NTNG2: variants seen among roughly 807,000 people sequenced by gnomAD.
The protein encoded by NTNG2 is netrin-G2.
NTNG2 carries 15 observed loss-of-function variants against 47.6 expected under a neutral mutation model. The ratio of observed to expected loss-of-function variants is 0.32; its 90% CI spans 0.21 to 0.49. The LOEUF is 0.49. Ranked by LOEUF, NTNG2 falls within the 20% of genes least tolerant of loss-of-function variation. The pLI is 0.99. For missense variants in NTNG2, 578 were observed against 764.6 expected, an observed-to-expected ratio of 0.76 and a Z score of 2.88; for synonymous variants, 307 against 324.6, an observed-to-expected ratio of 0.95 and a Z score of 0.58.
Position 132,236,933 on chromosome 9 carries a change from G to A in NTNG2, c.1055-2171G>A, listed in dbSNP as rs1307955728. ...AGGAAGAGTGTTTCAGAAAGGAAGG[G>A]AGATGCCAAAGTCCTTAAATGCCAA... On this transcript the variant is annotated intron_variant, in intron 5 of 7. Transcript: ENST00000393229. This position sits in a 1 kb window ranked among gnomAD's most constrained non-coding sequence, Gnocchi z 4.3. 6.6e-6 allele frequency among the ~76,000 whole-genome samples: 1 copy of A among 152,206 alleles called. No homozygotes were observed. Among genetic ancestry groups the A allele is most frequent in the African/African-American group, 2.4e-5 (1 of 41,434 alleles).
chr9:132,166,838 C>T lies in NTNG2; in HGVS notation c.7C>T (p.His3Tyr). The change falls in exon 2 of 8, where the codon CAT becomes TAT. Residue 3 changes from histidine to tyrosine, a missense_variant. Transcript: ENST00000393229. Reference protein sequence around the residue: MLHLLALFLHCLP... With the variant: MLYLLALFLHCLP... The stretch of plus-strand genomic sequence containing the variant: ...CTCTGCAGACTGCGCAGCCATGCTG[C>T]ATCTGCTGGCGCTCTTCCTGCACTG... The T allele has an allele frequency of 6.2e-7, 1 of 1,614,022 alleles. No homozygotes were observed. The highest frequency in any genetic ancestry group is 8.5e-7 in the Non-Finnish European group (1 of 1,180,012).
rs1375015834 is a variant in NTNG2 at position 132,163,539 on chromosome 9, G to C, written c.-484+1300G>C. On this transcript the variant is annotated intron_variant, in intron 1 of 7. Coordinates refer to ENST00000393229, the MANE Select transcript of NTNG2 (RefSeq NM_032536.4). This position sits in a 1 kb window ranked among gnomAD's most constrained non-coding sequence, Gnocchi z 7.2. The stretch of plus-strand genomic sequence containing the variant: ...GCCGGCCAAGCTCCCTTTCCCTCCC[G>C]GCAACCGCCACTCTCCCCTGAAAGC... Among the ~76,000 whole-genome samples the C allele has an allele frequency of 6.6e-6, 1 of 152,108 alleles. No homozygotes were observed. Among genetic ancestry groups the C allele is most frequent in the Non-Finnish European group, 1.5e-5 (1 of 67,988 alleles).
In NTNG2 at chr9:132,243,216, G is replaced by A. The variant is rs1842083870; in HGVS notation, c.*1105G>A. 6.6e-6 allele frequency: 1 copy of A among 150,684 alleles called. No individual in the cohort carries two copies. Among genetic ancestry groups the A allele is most frequent in the Non-Finnish European group, 1.5e-5 (1 of 67,352 alleles). 9.3% of individuals were successfully genotyped at this position (150,684 alleles called of 1,614,324 possible). A position where few individuals can be genotyped will look rare whatever the true frequency, so the allele number is the denominator to read the frequency against. On this transcript the variant is annotated 3_prime_UTR_variant, in exon 8 of 8. Coordinates refer to ENST00000393229, the MANE Select transcript of NTNG2 (RefSeq NM_032536.4). ...TGTGTCTCGGTGGCCACCTCCGATG[G>A]ATGTGTCATCTCAGACCTGTTGCAG...
At chr9:132,211,421 C>G (rs915468879) in intron 3 of NTNG2, among the ~76,000 whole-genome samples, 1 of 152,136 alleles carries the variant, frequency 6.6e-6, no homozygotes. Flanking sequence ...AACACAAACC[C>G]AGTCACTTCT....
At chr9:132,228,248 G>A (rs970627787) in intron 4 of NTNG2, among the ~76,000 whole-genome samples, 1 of 152,250 alleles carries the variant, frequency 6.6e-6, no homozygotes, top group African/African-American at 2.4e-5. Context: ...GGCCATGACA[G>A]GCATGTCACG....
chr9:132,239,204 C>T lies in NTNG2; in HGVS notation c.1155C>T (p.Cys385=), dbSNP rs1447709236. 1 of 1,613,828 alleles carries T rather than the reference C, an allele frequency of 6.2e-7. No homozygotes were observed. The part of the protein sequence containing the change: ...SCKHNTRGQH[C]QHCRLGYYRN... ...AGCACAACACGCGAGGTCAGCACTG[C>T]CAGCACTGCCGGCTGGGCTACTACC... The change falls in exon 6 of 8, where the codon TGC becomes TGT. Residue 385 remains cysteine, a synonymous_variant. Coordinates refer to ENST00000393229, the MANE Select transcript of NTNG2 (RefSeq NM_032536.4).
intron 2 of NTNG2, among the ~76,000 whole-genome samples, chr9:132,192,293 C>G (rs1717378004): frequency 6.6e-6 from 1 of 152,162 alleles, no homozygotes. Context: ...AGAATTCCCC[C>G]AGTGAAGAAT....
In NTNG2 at chr9:132,197,928, C is replaced by G. The variant is rs11243664; in HGVS notation, c.214-38C>G. On this transcript the variant is annotated intron_variant, in intron 2 of 7. Coordinates refer to ENST00000393229, the MANE Select transcript of NTNG2 (RefSeq NM_032536.4). The surrounding 1 kb of genome is among the most constrained non-coding windows in gnomAD (Gnocchi z 4.3). The stretch of plus-strand genomic sequence containing the variant: ...AGGCTTCCCAGGCCATCCCGAGCAT[C>G]CAGCACCCACCCTTCCCTTCTCCTC... 0.42 allele frequency: 662,046 copies of G among 1,572,290 alleles called. 140,849 individuals carry two copies. The highest frequency in any genetic ancestry group is 0.53 in the Middle Eastern group (2,301 of 4,328).
rs889481902 is a variant in NTNG2 at position 132,215,063 on chromosome 9, T to C, written c.858-11786T>C. On this transcript the variant is annotated intron_variant, in intron 3 of 7. Coordinates refer to ENST00000393229, the MANE Select transcript of NTNG2 (RefSeq NM_032536.4). The surrounding 1 kb of genome is among the most constrained non-coding windows in gnomAD (Gnocchi z 4.2). The stretch of plus-strand genomic sequence containing the variant: ...TGATAAATTTTGTGTTTTTTTTAAT[T>C]TTTTTGTAGAGATTGGGGGGGGGGG... 5.8e-5 allele frequency among the ~76,000 whole-genome samples: 6 copies of C among 103,436 alleles called. No individual in the cohort carries two copies. Among genetic ancestry groups the C allele is most frequent in the African/African-American group, 8.8e-5 (2 of 22,618 alleles). The allele number at this position is 103,436 out of a possible 152,430, so 67.9% of individuals were successfully genotyped here.
At position 132,206,747 on chromosome 9, in the gene NTNG2, C is replaced by T. The variant is rs960854749; in HGVS notation, c.857+8138C>T. Among the ~76,000 whole-genome samples the T allele has an allele frequency of 4.6e-5, 7 of 152,278 alleles. No individual in the cohort carries two copies. The East Asian group carries it at 5.8e-4, about 13-fold the overall frequency. On this transcript the variant is annotated intron_variant, in intron 3 of 7. Transcript: ENST00000393229. ...TTGGGGACAGACATTTTGTTAAGTACAGTTCACACACCTTCAACTGCATCT... is the reference window on the plus strand; with the variant it reads ...TTGGGGACAGACATTTTGTTAAGTATAGTTCACACACCTTCAACTGCATCT...
chr9:132,233,864 T>C (rs1381601935), intron 5 of NTNG2: 1 of 152,060 alleles, frequency 6.6e-6, no homozygotes, highest in Non-Finnish European at 1.5e-5. Flanking sequence ...TTATGATATG[T>C]AAATTACACC....
In NTNG2 at chr9:132,226,749, AC is replaced by A. The variant is rs1288340133; in HGVS notation, c.858-97del. ...AGGGTTTCTTCCTGGGCAGCCCAAC[AC>A]CCTCCTGGGCCCCTCCTGGGAGGCG... is the stretch of plus-strand genomic sequence containing the variant. On this transcript the variant is annotated intron_variant, in intron 3 of 7. Transcript: ENST00000393229. The surrounding 1 kb of genome is among the most constrained non-coding windows in gnomAD (Gnocchi z 4.8). The A allele has an allele frequency of 1.3e-5, 14 of 1,102,208 alleles. No homozygotes were observed. The highest frequency in any genetic ancestry group is 1.7e-5 in the Non-Finnish European group (14 of 800,328). The allele number at this position is 1,102,208 out of a possible 1,614,324, so 68.3% of individuals were successfully genotyped here. A position where few individuals can be genotyped will look rare whatever the true frequency, so the allele number is the denominator to read the frequency against.
intron 4 of NTNG2, among the ~76,000 whole-genome samples, chr9:132,228,025 C>G (rs1026170467): frequency 6.6e-6 from 1 of 152,218 alleles, no homozygotes; most frequent in Non-Finnish European, 1.5e-5. Flanking sequence ...GGTCCCTTCT[C>G]CAGATGAGCA....
intron 3 of NTNG2, among the ~76,000 whole-genome samples, chr9:132,199,577 A>G (rs1838583485): frequency 6.6e-6 from 1 of 152,088 alleles, no homozygotes; most frequent in Non-Finnish European, 1.5e-5. Context: ...TTACTGGGAG[A>G]TGATGGTATA....
At chr9:132,170,821 G>T (rs543039467) in intron 2 of NTNG2, among the ~76,000 whole-genome samples, 6 of 152,274 alleles carry the variant, frequency 3.9e-5, no homozygotes, top group African/African-American at 1.4e-4. Flanking sequence ...CCTTGATAGA[G>T]GTGCAGAATC....
intron 3 of NTNG2, among the ~76,000 whole-genome samples, chr9:132,211,036 C>T (rs1256534436): frequency 6.6e-6 from 1 of 152,212 alleles, no homozygotes; most frequent in Non-Finnish European, 1.5e-5. Flanking sequence ...CACATGGCTG[C>T]CTTGCACCCC....
At chr9:132,209,459 G>A (rs1394376825) in intron 3 of NTNG2, among the ~76,000 whole-genome samples, 1 of 152,218 alleles carries the variant, frequency 6.6e-6, no homozygotes, top group African/African-American at 2.4e-5. Flanking sequence ...GGAGAGCCGG[G>A]GAGCCGGGCG....
Position 132,240,915 on chromosome 9 carries a change from A to G in NTNG2, c.1228A>G (p.Asn410Asp). The change falls in exon 7 of 8, where the codon AAC (asparagine) becomes GAC (aspartate). Residue 410 changes from asparagine (N) to aspartate (D), a missense_variant. Transcript: ENST00000393229. Reference protein sequence around the residue: ...LDDENVCIECNCNQIGSVHDR... With the variant: ...LDDENVCIECDCNQIGSVHDR... ...CCGTGCCCGTGTCCGTCCAGAGTGT[A>G]ACTGCAACCAGATAGGCTCCGTGCA... The G allele has an allele frequency of 3.1e-6, 5 of 1,612,902 alleles. No individual in the cohort carries two copies. Among genetic ancestry groups the G allele is most frequent in the Non-Finnish European group, 4.2e-6 (5 of 1,179,836 alleles).
intron 7 of NTNG2, 99 bp from the exon 8 acceptor site, chr9:132,241,761 ACATCCCCGGCCCAGAC>A: frequency 1.4e-6 from 1 of 725,798 alleles, no homozygotes; most frequent in Non-Finnish European, 2.1e-6. Flanking sequence ...GGAGCCTCCT[ACATCCCCGGCCCAGAC>A]GGCGCCCCCG....
Sources: allele counts gnomAD v4.1 joint callset (sites outside exome capture counted in the v4.1 genomes callset), GRCh38; gene constraint gnomAD v4.1.1; non-coding constraint Gnocchi (gnomAD v3.1); transcripts MANE v1.5; gene names NCBI Gene and HGNC (gene_info 2026-07-23, HGNC 2026-07-21).